The following TACR1 variants were observed in gnomAD, a reference collection of about 807,000 sequenced individuals.
TACR1 encodes tachykinin receptor 1, also known as substance-P receptor.
TACR1 carries 25 observed loss-of-function variants against 35.8 expected under a neutral mutation model. The observed-to-expected ratio is 0.70, with a 90% CI of 0.51 to 0.98. The LOEUF is 0.98. Ranked by LOEUF, TACR1 falls within the 50% of genes least tolerant of loss-of-function variation. The probability of loss-of-function intolerance (pLI) is 0.00; values close to 1 mark genes in which losing one functional copy is unlikely to be tolerated. For synonymous variants in TACR1, 195 were observed against 206.7 expected (o/e 0.94, Z 0.48); for missense variants, 478 against 522.9 (o/e 0.91, Z 0.84).
chr2:75,053,905 A>T (rs535568230), intron 2 of TACR1, 150 bp from the exon 3 acceptor site: 2 of 986,176 alleles, frequency 2.0e-6, no homozygotes, highest in South Asian at 3.1e-5. Flanking sequence ...CACTCCAGGG[A>T]GACTTGTCAC....
At chr2:75,178,773 G>A (rs1318710605) in intron 1 of TACR1, among the ~76,000 whole-genome samples, 2 of 152,094 alleles carry the variant, frequency 1.3e-5, no homozygotes, top group Non-Finnish European at 2.9e-5. Flanking sequence ...TTCCCGAAAT[G>A]CTTTCTTATT....
At chr2:75,180,577 A>G (rs574442582) in intron 1 of TACR1, among the ~76,000 whole-genome samples, 3 of 152,296 alleles carry the variant, frequency 2.0e-5, no homozygotes, top group Admixed American at 2.0e-4. Flanking sequence ...ATCCAAAATT[A>G]TCCTGCTCTG....
At chr2:75,129,737 C>G (rs1181875058) in intron 1 of TACR1, among the ~76,000 whole-genome samples, 1 of 152,218 alleles carries the variant, frequency 6.6e-6, no homozygotes, top group East Asian at 1.9e-4. Flanking sequence ...CTGCTGCAGT[C>G]ACTCACAAGT....
chr2:75,055,924 A>G (rs753928474), intron 2 of TACR1, among the ~76,000 whole-genome samples: 4 of 152,258 alleles, frequency 2.6e-5, no homozygotes, highest in Non-Finnish European at 5.9e-5. Flanking sequence ...TTTGAGAAAC[A>G]TTGTCTTAGG....
intron 2 of TACR1, among the ~76,000 whole-genome samples, chr2:75,085,430 A>G (rs1673171589): frequency 6.6e-6 from 1 of 152,106 alleles, no homozygotes. Flanking sequence ...TTACTGCGCA[A>G]TGGGCATATA....
chr2:75,160,911 C>T (rs1377027084), intron 1 of TACR1, among the ~76,000 whole-genome samples: 5 of 151,222 alleles, frequency 3.3e-5, no homozygotes, highest in Non-Finnish European at 1.5e-5. Context: ...AAGAATTCTA[C>T]CAGCCATCCA....
At chr2:75,158,005 T>C (rs1367680554) in intron 1 of TACR1, among the ~76,000 whole-genome samples, 1 of 152,266 alleles carries the variant, frequency 6.6e-6, no homozygotes, top group Non-Finnish European at 1.5e-5. Flanking sequence ...ATTCTCATTA[T>C]TACCTCATAG....
intron 2 of TACR1, among the ~76,000 whole-genome samples, chr2:75,096,811 T>C (rs890833197): frequency 6.6e-6 from 1 of 152,198 alleles, no homozygotes; most frequent in African/African-American, 2.4e-5. Flanking sequence ...AACTTCTCTC[T>C]TTACCTCTGC....
intron 2 of TACR1, among the ~76,000 whole-genome samples, chr2:75,083,352 G>C (rs1673128527): frequency 6.6e-6 from 1 of 152,148 alleles, no homozygotes; most frequent in African/African-American, 2.4e-5. Context: ...TTTGAAGTCA[G>C]GTAGCGTGAT....
intron 1 of TACR1, among the ~76,000 whole-genome samples, chr2:75,165,485 T>G (rs141149680): frequency 0.016 from 2,480 of 152,162 alleles, 64 homozygotes; most frequent in African/African-American, 0.056. Flanking sequence ...ATTTTTTGTA[T>G]TTTTAGTAGA....
chr2:75,152,291 A>G (rs1011879064), intron 1 of TACR1, among the ~76,000 whole-genome samples: 1 of 152,154 alleles, frequency 6.6e-6, no homozygotes. Flanking sequence ...TTTGATTTGT[A>G]TCTCCCATAA....
intron 1 of TACR1, among the ~76,000 whole-genome samples, chr2:75,181,099 C>T (rs1350951457): frequency 6.6e-6 from 1 of 152,152 alleles, no homozygotes; most frequent in Non-Finnish European, 1.5e-5. Flanking sequence ...CTTCCAATTC[C>T]ACCCTCAAAT....
At chr2:75,080,541 A>G (rs537121569) in intron 2 of TACR1, among the ~76,000 whole-genome samples, 1 of 152,356 alleles carries the variant, frequency 6.6e-6, no homozygotes, top group Non-Finnish European at 1.5e-5. Context: ...TAAGAGCATT[A>G]TTAACTGGCT....
chr2:75,104,185 G>GAC (rs1673596235), intron 2 of TACR1, among the ~76,000 whole-genome samples: 1 of 151,922 alleles, frequency 6.6e-6, no homozygotes, highest in African/African-American at 2.4e-5. Context: ...TGGCTTTAAG[G>GAC]ACACACAAAG....
chr2:75,177,139 T>C (rs1675440175), intron 1 of TACR1, among the ~76,000 whole-genome samples: 1 of 150,360 alleles, frequency 6.7e-6, no homozygotes, highest in Admixed American at 6.6e-5. Flanking sequence ...AGAATTTTAC[T>C]CTGTCTTTCT....
At chr2:75,113,746 C>T (rs894898528) in intron 2 of TACR1, among the ~76,000 whole-genome samples, 1 of 151,908 alleles carries the variant, frequency 6.6e-6, no homozygotes. Context: ...AGAGTAATCA[C>T]AACAGCTAGC....
intron 2 of TACR1, among the ~76,000 whole-genome samples, chr2:75,098,907 TA>T (rs1325074597): frequency 6.8e-6 from 1 of 147,910 alleles, no homozygotes; most frequent in Admixed American, 6.9e-5. Context: ...TCTTGCAAAT[TA>T]AGGCTTTTTT....
Position 75,194,044 on chromosome 2 carries a change from G to A in TACR1, c.389+4502C>T, listed in dbSNP as rs542142029. Among the ~76,000 whole-genome samples the A allele has an allele frequency of 5.1e-4, 78 of 152,236 alleles. 2 individuals are homozygous for A. The highest frequency in any genetic ancestry group is 5.0e-3 in the Admixed American group (77 of 15,302). ...TAACAGTGTCTTGTGCTTGTGCTAT[G>A]TGCTTTTATTTTGAGAATTATTCTT... On this transcript the variant is annotated intron_variant, in intron 1 of 4. Coordinates refer to ENST00000305249, the MANE Select transcript of TACR1 (RefSeq NM_001058.4).
At chr2:75,076,645 C>G (rs961037898) in intron 2 of TACR1, among the ~76,000 whole-genome samples, 1 of 152,110 alleles carries the variant, frequency 6.6e-6, no homozygotes, top group Non-Finnish European at 1.5e-5. Context: ...CTGGGAAATG[C>G]TAGTTTGGTA....
Sources: gnomAD v4.1 joint callset for allele counts (sites outside exome capture counted in the v4.1 genomes callset) on GRCh38, gnomAD v4.1.1 for gene constraint, MANE v1.5 for transcripts, NCBI Gene and HGNC (gene_info 2026-07-23, HGNC 2026-07-21) for gene names.